Variants in STAG2 observed in about 807,000 individuals in gnomAD.
The protein encoded by STAG2 is cohesin subunit SA-2.
STAG2 carries 14 observed loss-of-function variants against 108.1 expected under a neutral mutation model. The ratio of observed to expected loss-of-function variants is 0.13; its 90% confidence interval spans 0.09 to 0.20. The LOEUF is 0.20. STAG2 is among the 10% of genes least tolerant of loss of function. STAG2 has a pLI of 1.00. For missense variants in STAG2, 440 were observed against 940.9 expected (o/e 0.47, Z 6.96); for synonymous variants, 307 against 302.7 (o/e 1.01, Z -0.15).
chrX:124,064,104 G>A (rs2058453453), intron 20 of STAG2, 53 bp downstream of exon 20: 1 of 915,103 alleles, frequency 1.1e-6, no homozygotes, highest in South Asian at 2.4e-5. Context: ...CTCTACTGCA[G>A]TAAGCTAATT....
chrX:124,058,949 T>C (rs1235322022), intron 15 of STAG2, among the ~76,000 whole-genome samples: 1 of 112,367 alleles, frequency 8.9e-6, no homozygotes, highest in African/African-American at 3.2e-5. Flanking sequence ...TAAATAAAGA[T>C]AATTTTCCTT....
intron 1 of STAG2, among the ~76,000 whole-genome samples, chrX:123,996,915 T>C (rs746756069): frequency 4.4e-5 from 5 of 112,668 alleles, no homozygotes; most frequent in African/African-American, 1.6e-4. Flanking sequence ...GTTAAATTTT[T>C]GCATATGGTA....
In STAG2 at chrX:124,061,728, GCTAA is replaced by G. The variant is rs780368406; in HGVS notation, c.1535-40_1535-37del. The G allele has an allele frequency of 6.4e-6, 6 of 938,690 alleles. No individual in the cohort carries two copies. In the Admixed American group the frequency reaches 1.5e-4, roughly 23 times the overall value. The allele number at this position is 938,690 out of a possible 1,213,427, so 77.4% of individuals were successfully genotyped here. On this transcript the variant is annotated intron_variant, in intron 16 of 34. Transcript: ENST00000371145. The stretch of plus-strand genomic sequence containing the variant: ...AGTGGCATATAGGGAGAAGAAATAA[GCTAA>G]CTCTTTCTGACTTTTTTTTTTTTTT...
Position 124,081,403 on chromosome X carries a change from A to G in STAG2, c.2799A>G (p.Glu933=). 8.6e-7 allele frequency: 1 copy of G among 1,165,829 alleles called. No individual in the cohort carries two copies. Among genetic ancestry groups the G allele is most frequent in the Non-Finnish European group, 1.1e-6 (1 of 870,557 alleles). The part of the protein sequence containing the change: ...LQQLFNEMIQ[E]NGYNFDRSSS... ...AGCTTTTTAATGAAATGATACAAGAAAATGGCTATAATTTTGATAGATCAT... is the reference window on the plus strand; with the variant it reads ...AGCTTTTTAATGAAATGATACAAGAGAATGGCTATAATTTTGATAGATCAT... Residue 933 remains glutamate, a synonymous_variant, in exon 28 of 35, where the codon GAA becomes GAG. Transcript: ENST00000371145.
intron 30 of STAG2, among the ~76,000 whole-genome samples, chrX:124,088,703 C>T (rs895118916): frequency 9.3e-6 from 1 of 107,088 alleles, no homozygotes; most frequent in Admixed American, 1.0e-4. Context: ...CAACCTCCCC[C>T]TCCCTTGTTC....
At chrX:124,025,518 C>G (rs1285093990) in intron 3 of STAG2, among the ~76,000 whole-genome samples, 5 of 110,908 alleles carry the variant, frequency 4.5e-5, no homozygotes, top group Non-Finnish European at 9.5e-5. Context: ...GAAATGGAAC[C>G]AACGATTACA....
chrX:124,090,187 G>A lies in STAG2; in HGVS notation c.3278-388G>A, dbSNP rs112470934. ...AAAAAAAAAAAAAAAAAAAAAAAAAGGTTTAGTCCTTGTTTCCTGCCTTAG... is the reference window on the plus strand; with the variant it reads ...AAAAAAAAAAAAAAAAAAAAAAAAAAGTTTAGTCCTTGTTTCCTGCCTTAG... On this transcript the variant is annotated intron_variant, in intron 30 of 34. Coordinates refer to ENST00000371145, the MANE Select transcript of STAG2 (RefSeq NM_001042750.2). Among the ~76,000 whole-genome samples, 50 of 70,662 alleles carry A rather than the reference G, an allele frequency of 7.1e-4. 4 individuals are homozygous for A. Among genetic ancestry groups the A allele is most frequent in the Middle Eastern group, 7.4e-3 (1 of 136 alleles). The allele number at this position is 70,662 out of a possible 115,157, so 61.4% of individuals were successfully genotyped here.
intron 28 of STAG2, among the ~76,000 whole-genome samples, chrX:124,081,862 G>C (rs948773841): frequency 2.7e-5 from 3 of 111,010 alleles, no homozygotes; most frequent in Non-Finnish European, 5.7e-5. Flanking sequence ...AGCTGGGAGT[G>C]GGGGTGTGCA....
chrX:123,997,664 G>A lies in STAG2; in HGVS notation c.-162-23703G>A, dbSNP rs113410426. On this transcript the variant is annotated intron_variant, in intron 1 of 34. Coordinates refer to ENST00000371145, the MANE Select transcript of STAG2 (RefSeq NM_001042750.2). ...TTGGTTTTTGTTTTTTTGAGACAGA[G>A]TCTCATTCTGTCACCTAGGCGGGAG... is the stretch of plus-strand genomic sequence containing the variant. Among the ~76,000 whole-genome samples, 737 of 112,703 alleles carry A rather than the reference G, an allele frequency of 6.5e-3. 5 individuals carry two copies. The highest frequency in any genetic ancestry group is 0.022 in the African/African-American group (693 of 31,063).
intron 7 of STAG2, among the ~76,000 whole-genome samples, chrX:124,044,835 T>G (rs762015596): frequency 4.5e-5 from 5 of 112,025 alleles, no homozygotes; most frequent in Admixed American, 9.5e-5. Context: ...TTGGTTTGGG[T>G]TTGCTTTTGC....
chrX:124,013,912 C>T (rs1326033911), intron 1 of STAG2, among the ~76,000 whole-genome samples: 1 of 111,038 alleles, frequency 9.0e-6, no homozygotes, highest in African/African-American at 3.3e-5. Context: ...TTCTTGTCTC[C>T]CTCCAACCCC....
chrX:124,061,475 A>C (rs2058373937), intron 16 of STAG2, 134 bp downstream of exon 16: 1 of 485,211 alleles, frequency 2.1e-6, no homozygotes, highest in Non-Finnish European at 3.4e-6. Flanking sequence ...TTTTGTTTTC[A>C]TATAAATATT....
chrX:123,999,700 C>T (rs929454457), intron 1 of STAG2, among the ~76,000 whole-genome samples: 5 of 111,061 alleles, frequency 4.5e-5, no homozygotes, highest in South Asian at 3.8e-4. Flanking sequence ...CAACAACCTC[C>T]GCCTCCTGGG....
rs931221412 is a variant in STAG2 at position 124,021,394 on chromosome X, G to A, written c.-135G>A. On this transcript the variant is annotated 5_prime_UTR_variant, in exon 2 of 35. Transcript: ENST00000371145. Reference sequence around the variant, plus strand: ...GGCCACCGAGTACTAAATTCACTTGGGAATAAAAGAAAAACATAAGAAAAT... The same window carrying A: ...GGCCACCGAGTACTAAATTCACTTGAGAATAAAAGAAAAACATAAGAAAAT... 2 of 110,376 alleles carry A rather than the reference G, an allele frequency of 1.8e-5. No individual in the cohort carries two copies. The highest frequency in any genetic ancestry group is 3.8e-4 in the South Asian group (1 of 2,608). The allele number at this position is 110,376 out of a possible 1,213,427, so 9.1% of individuals were successfully genotyped here. A position where few individuals can be genotyped will look rare whatever the true frequency, so the allele number is the denominator to read the frequency against.
At chrX:123,999,804 G>A (rs1382638419) in intron 1 of STAG2, among the ~76,000 whole-genome samples, 2 of 110,552 alleles carry the variant, frequency 1.8e-5, no homozygotes, top group East Asian at 2.8e-4. Context: ...TTGTGTAGCC[G>A]GGGTTTCTGC....
rs1015571250 is a variant in STAG2, at chrX:124,102,186, A to G, written c.*1589A>G. ...ACAAATGAATCCAGACTTGTCTAAC[A>G]GATTTTCCATCAACAAATATTGTTA... is the stretch of plus-strand genomic sequence containing the variant. On this transcript the variant is annotated 3_prime_UTR_variant, in exon 35 of 35. Coordinates refer to ENST00000371145, the MANE Select transcript of STAG2 (RefSeq NM_001042750.2). 1 of 158,523 alleles carries G rather than the reference A, an allele frequency of 6.3e-6. No homozygotes were observed. Among genetic ancestry groups the G allele is most frequent in the African/African-American group, 3.0e-5 (1 of 33,224 alleles). 13.1% of individuals were successfully genotyped at this position (158,523 alleles called of 1,213,427 possible). A position where few individuals can be genotyped will look rare whatever the true frequency, so the allele number is the denominator to read the frequency against.
chrX:123,978,154 C>CT (rs778721456), intron 1 of STAG2, among the ~76,000 whole-genome samples: 12,937 of 80,969 alleles, frequency 0.16, 1,029 homozygotes, highest in South Asian at 0.35. Flanking sequence ...CTACTGAGTT[C>CT]TTTTTTTTTT....
intron 10 of STAG2, among the ~76,000 whole-genome samples, chrX:124,049,946 T>TG (rs1434322872): frequency 9.0e-6 from 1 of 111,654 alleles, no homozygotes; most frequent in Non-Finnish European, 1.9e-5. Context: ...GTATAAAAGG[T>TG]GGGGATGGGA....
intron 33 of STAG2, among the ~76,000 whole-genome samples, chrX:124,095,031 C>T (rs751417714): frequency 9.0e-6 from 1 of 110,720 alleles, no homozygotes; most frequent in Non-Finnish European, 1.9e-5. Context: ...GGGTTCACGC[C>T]ATTCTCCTCC....
Sources: allele counts gnomAD v4.1 joint callset (sites outside exome capture counted in the v4.1 genomes callset), GRCh38; gene constraint gnomAD v4.1.1; transcripts MANE v1.5; gene names NCBI Gene and HGNC (gene_info 2026-07-23, HGNC 2026-07-21).